The following SLC25A16 variants were observed in gnomAD, a reference collection of about 807,000 sequenced individuals.
SLC25A16 encodes mitochondrial coenzyme A transporter SLC25A16.
A neutral mutation model predicts 41.5 loss-of-function variants in SLC25A16; 39 were observed. That is an observed-to-expected ratio of 0.94 (90% CI 0.73 to 1.23). The LOEUF (loss-of-function observed/expected upper bound fraction) is 1.23. Ranked by LOEUF, SLC25A16 falls within the 50% of genes most tolerant of loss-of-function variation. The probability of loss-of-function intolerance (pLI) is 0.00; values close to 1 mark genes in which losing one functional copy is unlikely to be tolerated. For synonymous variants in SLC25A16, 146 were observed against 147.8 expected (o/e 0.99, Z 0.09); for missense variants, 421 against 426.9 (o/e 0.99, Z 0.12).
intron 1 of SLC25A16, among the ~76,000 whole-genome samples, chr10:68,525,635 A>T (rs2053324855): frequency 6.6e-6 from 1 of 152,098 alleles, no homozygotes; most frequent in Admixed American, 6.6e-5. Context: ...TGGAATTTTT[A>T]AATTTTTGAA....
At chr10:68,500,364 G>C (rs1359010523) in intron 4 of SLC25A16, among the ~76,000 whole-genome samples, 1 of 152,082 alleles carries the variant, frequency 6.6e-6, no homozygotes, top group East Asian at 1.9e-4. Flanking sequence ...CTGGAGTGTA[G>C]TAACGCGATC....
At chr10:68,524,814 T>C (rs1590133041) in intron 1 of SLC25A16, among the ~76,000 whole-genome samples, 1 of 149,532 alleles carries the variant, frequency 6.7e-6, no homozygotes, top group African/African-American at 2.5e-5. Context: ...GATACGGAGG[T>C]TGCAGTGAGC....
At chr10:68,521,500 C>T (rs1202134427) in intron 1 of SLC25A16, among the ~76,000 whole-genome samples, 1 of 151,960 alleles carries the variant, frequency 6.6e-6, no homozygotes, top group Non-Finnish European at 1.5e-5. Context: ...CTGCACCCAG[C>T]CTGGGTGACA....
At chr10:68,516,118 C>T (rs778701032) in intron 2 of SLC25A16, among the ~76,000 whole-genome samples, 12 of 152,118 alleles carry the variant, frequency 7.9e-5, no homozygotes, top group Admixed American at 2.0e-4. Flanking sequence ...AGAAATAGTA[C>T]TTGAACCTAA....
intron 4 of SLC25A16, among the ~76,000 whole-genome samples, chr10:68,501,021 G>A (rs1394707326): frequency 6.6e-6 from 1 of 151,714 alleles, no homozygotes; most frequent in South Asian, 2.1e-4. Flanking sequence ...GAGGGCCGAG[G>A]TGGGCGAATC....
Position 68,493,185 on chromosome 10 carries a change from A to G in SLC25A16, c.557T>C (p.Phe186Ser). ...AGGCATCAGACCTCTGTAAAATCCA[A>G]AGAAACCACCTTCCTTTTGAGTGAA... is the stretch of plus-strand genomic sequence containing the variant. ...KTIYAKEGGF[F>S]GFYRGLMPTI... The change falls in exon 6 of 9, where the codon TTT (phenylalanine) becomes TCT (serine). Residue 186 changes from phenylalanine (F) to serine (S), a missense_variant. Coordinates refer to ENST00000609923, the MANE Select transcript of SLC25A16 (RefSeq NM_152707.4). 3 of 1,595,452 alleles carry G rather than the reference A, an allele frequency of 1.9e-6. No individual in the cohort carries two copies. The highest frequency in any genetic ancestry group is 2.6e-6 in the Non-Finnish European group (3 of 1,172,818).
chr10:68,478,538 A>T lies in SLC25A16; in HGVS notation c.*4894T>A, dbSNP rs1590084415. 2.0e-5 allele frequency: 3 copies of T among 151,306 alleles called. 1 individual carries two copies. The highest frequency in any genetic ancestry group is 1.3e-4 in the Admixed American group (2 of 15,232). 9.4% of individuals were successfully genotyped at this position (151,306 alleles called of 1,614,324 possible). On this transcript the variant is annotated 3_prime_UTR_variant, in exon 9 of 9. Transcript: ENST00000609923. ...TAAATAATTATACATAGGGTTTTTT[A>T]AAAAAACATTTTATATAAAAAAATG...
chr10:68,481,908 A>T lies in SLC25A16; in HGVS notation c.*1524T>A, dbSNP rs578000003. 6.6e-6 allele frequency: 1 copy of T among 152,322 alleles called. No individual in the cohort carries two copies. The highest frequency in any genetic ancestry group is 2.1e-4 in the South Asian group (1 of 4,830). The allele number at this position is 152,322 out of a possible 1,614,324, so 9.4% of individuals were successfully genotyped here. On this transcript the variant is annotated 3_prime_UTR_variant, in exon 9 of 9. Coordinates refer to ENST00000609923, the MANE Select transcript of SLC25A16 (RefSeq NM_152707.4). ...CGTGAGCCACCACACCTGGCCTTCT[A>T]ATGTCTTTAAAGTCACATCAAAGGG...
intron 1 of SLC25A16, chr10:68,517,178 CTCT>C (rs1294788098): frequency 6.9e-6 from 7 of 1,011,132 alleles, no homozygotes; most frequent in Non-Finnish European, 8.3e-6. Flanking sequence ...AAGTAACCTC[CTCT>C]TCTTCTGGAA....
At chr10:68,526,046 TG>T (rs958731150) in intron 1 of SLC25A16, among the ~76,000 whole-genome samples, 2 of 151,756 alleles carry the variant, frequency 1.3e-5, no homozygotes, top group African/African-American at 4.9e-5. Flanking sequence ...TACGGCCTCG[TG>T]GGAAGGGAAA....
intron 1 of SLC25A16, among the ~76,000 whole-genome samples, chr10:68,524,969 C>T (rs2053313448): frequency 6.7e-6 from 1 of 149,728 alleles, no homozygotes; most frequent in African/African-American, 2.5e-5. Flanking sequence ...ATCACTTGAA[C>T]CCAGGAAGCA....
At chr10:68,508,525 C>T (rs2133562274) in intron 2 of SLC25A16, among the ~76,000 whole-genome samples, 1 of 151,582 alleles carries the variant, frequency 6.6e-6, no homozygotes, top group South Asian at 2.1e-4. Flanking sequence ...ACCAGCTTGA[C>T]CAACATGGAG....
intron 4 of SLC25A16, among the ~76,000 whole-genome samples, chr10:68,497,033 G>A (rs2052760055): frequency 6.6e-6 from 1 of 152,154 alleles, no homozygotes; most frequent in South Asian, 2.1e-4. Context: ...AGGGAAGGAA[G>A]AAATTAAGAT....
At chr10:68,518,943 A>G (rs1254819263) in intron 1 of SLC25A16, among the ~76,000 whole-genome samples, 2 of 152,138 alleles carry the variant, frequency 1.3e-5, no homozygotes, top group Non-Finnish European at 2.9e-5. Context: ...CTGTAATCCC[A>G]GCGCTTTGGG....
chr10:68,526,158 C>T (rs1363463837), intron 1 of SLC25A16, among the ~76,000 whole-genome samples: 3 of 151,522 alleles, frequency 2.0e-5, no homozygotes, highest in Non-Finnish European at 4.4e-5. Flanking sequence ...AAGAGGAAGG[C>T]ATCTGTCTCC....
Position 68,481,094 on chromosome 10 carries a change from C to T in SLC25A16, c.*2338G>A, listed in dbSNP as rs2052479391. ...TGCCTCCTGGGTTCAAGCAATTCTC[C>T]CTGCCTTAGCCTCCCAAGTAGCTGG... is the stretch of plus-strand genomic sequence containing the variant. On this transcript the variant is annotated 3_prime_UTR_variant, in exon 9 of 9. Transcript: ENST00000609923. 6.6e-6 allele frequency: 1 copy of T among 151,862 alleles called. No homozygotes were observed. The highest frequency in any genetic ancestry group is 1.5e-5 in the Non-Finnish European group (1 of 67,968). The allele number at this position is 151,862 out of a possible 1,614,324, so 9.4% of individuals were successfully genotyped here. A position where few individuals can be genotyped will look rare whatever the true frequency, so the allele number is the denominator to read the frequency against.
intron 6 of SLC25A16, among the ~76,000 whole-genome samples, chr10:68,490,669 C>T (rs1400253760): frequency 1.3e-5 from 2 of 150,780 alleles, no homozygotes; most frequent in Non-Finnish European, 3.0e-5. Context: ...TAAAATGGTG[C>T]CAAGTCAAAA....
chr10:68,486,442 T>A (rs958462130), intron 8 of SLC25A16, among the ~76,000 whole-genome samples: 2 of 151,732 alleles, frequency 1.3e-5, no homozygotes, highest in South Asian at 4.2e-4. Context: ...TTGTTTTTTT[T>A]ATTGAGATGG....
At chr10:68,505,661 G>C (rs1250212087) in intron 3 of SLC25A16, among the ~76,000 whole-genome samples, 1 of 151,966 alleles carries the variant, frequency 6.6e-6, no homozygotes, top group African/African-American at 2.4e-5. Flanking sequence ...AAGAATCTGG[G>C]AGGCAGAGAT....
Sources: allele counts gnomAD v4.1 joint callset (sites outside exome capture counted in the v4.1 genomes callset), GRCh38; gene constraint gnomAD v4.1.1; transcripts MANE v1.5; gene names NCBI Gene and HGNC (gene_info 2026-07-23, HGNC 2026-07-21).